The following SMAP1 variants were observed in gnomAD, a reference collection of about 807,000 sequenced individuals.
SMAP1 encodes stromal membrane-associated protein 1.
In SMAP1, 24 loss-of-function variants were observed where a neutral mutation model predicts 58.5. The ratio of observed to expected loss-of-function variants is 0.41; its 90% CI spans 0.30 to 0.58. The LOEUF (loss-of-function observed/expected upper bound fraction) is 0.58, where lower values mean the gene tolerates loss of function less well. Among genes scored for constraint, SMAP1 ranks in the 20% least tolerant of loss-of-function variants. SMAP1 has a pLI of 0.29. For synonymous variants in SMAP1, 216 were observed against 196.6 expected, an observed-to-expected ratio of 1.10 and a Z score of -0.82; for missense variants, 563 against 566.3, an observed-to-expected ratio of 0.99 and a Z score of 0.06.
At chr6:70,783,614 G>A (rs1000295837) in intron 4 of SMAP1, among the ~76,000 whole-genome samples, 7 of 152,340 alleles carry the variant, frequency 4.6e-5, no homozygotes, top group Admixed American at 2.6e-4. Flanking sequence ...TAAAGGAGCT[G>A]ATGGAGCTGA....
chr6:70,754,780 T>C (rs1273021577), intron 2 of SMAP1, among the ~76,000 whole-genome samples, 200 bp from the exon 3 acceptor site: 1 of 152,068 alleles, frequency 6.6e-6, no homozygotes, highest in Non-Finnish European at 1.5e-5. Context: ...CGTTGATAAA[T>C]GTGAAGGATT....
intron 7 of SMAP1, among the ~76,000 whole-genome samples, chr6:70,838,238 A>G (rs1157477721): frequency 6.6e-6 from 1 of 152,182 alleles, no homozygotes; most frequent in East Asian, 1.9e-4. Context: ...TGCCTGGTTT[A>G]TTAGTTCATA....
chr6:70,806,733 A>G (rs900760427), intron 6 of SMAP1, among the ~76,000 whole-genome samples: 4 of 152,352 alleles, frequency 2.6e-5, no homozygotes, highest in African/African-American at 9.6e-5. Flanking sequence ...TAAAGCCATT[A>G]ATATAGTTCT....
At chr6:70,857,432 T>C (rs1380606545) in intron 9 of SMAP1, 1 of 167,296 alleles carries the variant, frequency 6.0e-6, no homozygotes, top group Non-Finnish European at 1.3e-5. Context: ...CATAACAAAA[T>C]ATTAGCATAA....
At position 70,773,331 on chromosome 6, in the gene SMAP1, T is replaced by A; in HGVS notation, c.339-19T>A. ...CATATCACTGAATTCATGCTTTTCC[T>A]TAAGTTATCTGTTTTCAGAGCAGTG... On this transcript the variant is annotated intron_variant, in intron 3 of 10. Coordinates refer to ENST00000370455, the MANE Select transcript of SMAP1 (RefSeq NM_001044305.3). 6.8e-7 allele frequency: 1 copy of A among 1,481,284 alleles called. No individual in the cohort carries two copies. Among genetic ancestry groups the A allele is most frequent in the Non-Finnish European group, 9.3e-7 (1 of 1,071,354 alleles). The allele number at this position is 1,481,284 out of a possible 1,614,324, so 91.8% of individuals were successfully genotyped here. A position where few individuals can be genotyped will look rare whatever the true frequency, so the allele number is the denominator to read the frequency against.
chr6:70,852,025 A>G (rs1045217041), intron 7 of SMAP1, among the ~76,000 whole-genome samples: 14 of 152,130 alleles, frequency 9.2e-5, no homozygotes, highest in Non-Finnish European at 1.8e-4. Flanking sequence ...ACTTATTTCC[A>G]TGGTAGGTAA....
chr6:70,742,375 C>T (rs1050558110), intron 2 of SMAP1, among the ~76,000 whole-genome samples: 2 of 152,190 alleles, frequency 1.3e-5, no homozygotes, highest in African/African-American at 4.8e-5. Flanking sequence ...CAAAGATTTA[C>T]AAATCTCTAG....
At chr6:70,851,970 T>C (rs932366054) in intron 7 of SMAP1, among the ~76,000 whole-genome samples, 1 of 152,154 alleles carries the variant, frequency 6.6e-6, no homozygotes, top group East Asian at 1.9e-4. Flanking sequence ...TTCTTCCATG[T>C]TGTGACTTCA....
At chr6:70,706,786 T>C (rs767341617) in intron 1 of SMAP1, among the ~76,000 whole-genome samples, 4 of 152,206 alleles carry the variant, frequency 2.6e-5, no homozygotes, top group Non-Finnish European at 5.9e-5. Flanking sequence ...ATGTGTATTG[T>C]TAGATTTTTG....
chr6:70,803,187 A>G (rs1303556180), intron 6 of SMAP1, among the ~76,000 whole-genome samples: 1 of 152,002 alleles, frequency 6.6e-6, no homozygotes, highest in Non-Finnish European at 1.5e-5. Context: ...AGAGTCTGTT[A>G]TTGGTCTATT....
At chr6:70,820,201 T>G (rs1023878827) in intron 6 of SMAP1, among the ~76,000 whole-genome samples, 1 of 152,248 alleles carries the variant, frequency 6.6e-6, no homozygotes, top group African/African-American at 2.4e-5. Flanking sequence ...ATTTATACCT[T>G]TAAGGAATAT....
chr6:70,725,139 C>T (rs546811004), intron 1 of SMAP1, among the ~76,000 whole-genome samples: 259 of 84,376 alleles, frequency 3.1e-3, no homozygotes, highest in Non-Finnish European at 3.6e-3. Flanking sequence ...TTTTTTGAGA[C>T]GGAGTCTCGC....
intron 1 of SMAP1, among the ~76,000 whole-genome samples, chr6:70,689,973 C>T (rs1020782747): frequency 6.6e-6 from 1 of 152,228 alleles, no homozygotes; most frequent in East Asian, 1.9e-4. Flanking sequence ...TATTAGGTCT[C>T]CTACCTAGAC....
chr6:70,745,632 G>T (rs1765998780), intron 2 of SMAP1, among the ~76,000 whole-genome samples: 1 of 152,130 alleles, frequency 6.6e-6, no homozygotes, highest in South Asian at 2.1e-4. Flanking sequence ...TGTTCTTTTT[G>T]CTTAGGATTG....
At position 70,795,011 on chromosome 6, in the gene SMAP1, AT is replaced by A. The variant is rs201621727; in HGVS notation, c.495+3245del. Among the ~76,000 whole-genome samples the A allele has an allele frequency of 1.0e-3, 155 of 151,890 alleles. 4 individuals are homozygous for A. In the East Asian group the frequency reaches 0.027, roughly 27 times the overall value. Reference sequence around the variant, plus strand: ...CACCGTGTTAGCCCGGATGGTCTCGATTTCCTGACCTCATTGCCACATTTTC... The same window carrying A: ...CACCGTGTTAGCCCGGATGGTCTCGATTCCTGACCTCATTGCCACATTTTC... On this transcript the variant is annotated intron_variant, in intron 5 of 10. Transcript: ENST00000370455.
chr6:70,844,220 G>A (rs1582297532), intron 7 of SMAP1, among the ~76,000 whole-genome samples: 1 of 152,264 alleles, frequency 6.6e-6, no homozygotes, highest in East Asian at 1.9e-4. Flanking sequence ...CCATAAAATG[G>A]TGCAGTGATT....
intron 1 of SMAP1, among the ~76,000 whole-genome samples, chr6:70,678,595 A>G (rs967011811): frequency 1.3e-5 from 2 of 152,214 alleles, no homozygotes; most frequent in Non-Finnish European, 2.9e-5. Context: ...GCTTAAAACA[A>G]TACCAATTTA....
chr6:70,721,441 C>T (rs148812931), intron 1 of SMAP1, among the ~76,000 whole-genome samples: 7 of 152,312 alleles, frequency 4.6e-5, no homozygotes, highest in African/African-American at 1.4e-4. Flanking sequence ...TTGTCTATAT[C>T]GCTATCAGCA....
At chr6:70,707,048 A>G (rs993687233) in intron 1 of SMAP1, among the ~76,000 whole-genome samples, 2 of 152,120 alleles carry the variant, frequency 1.3e-5, no homozygotes. Flanking sequence ...ATTTTTATCA[A>G]TAGTTTTTAT....
Sources: allele counts gnomAD v4.1 joint callset (sites outside exome capture counted in the v4.1 genomes callset), GRCh38; gene constraint gnomAD v4.1.1; transcripts MANE v1.5; gene names NCBI Gene and HGNC (gene_info 2026-07-23, HGNC 2026-07-21).